The following ERC1 variants were observed in gnomAD, a reference collection of about 807,000 sequenced individuals.
ERC1 encodes ELKS/RAB6-interacting/CAST family member 1.
ERC1 carries 56 observed loss-of-function variants against 132.0 expected under a neutral mutation model. The ratio of observed to expected loss-of-function variants is 0.42; its 90% CI spans 0.34 to 0.53. ERC1 has a LOEUF of 0.53. ERC1 is among the 20% of genes least tolerant of loss of function. ERC1 has a pLI of 0.03. For missense variants in ERC1, 1,202 were observed against 1,349.9 expected, an observed-to-expected ratio of 0.89 and a Z score of 1.72; for synonymous variants, 478 against 476.1, an observed-to-expected ratio of 1.00 and a Z score of -0.05.
At chr12:1,418,231 A>G (rs1249451624) in intron 17 of ERC1, among the ~76,000 whole-genome samples, 2 of 152,198 alleles carry the variant, frequency 1.3e-5, no homozygotes, top group Non-Finnish European at 2.9e-5. Context: ...GCTACCCCAA[A>G]ATATGGCACG....
intron 16 of ERC1, among the ~76,000 whole-genome samples, chr12:1,400,953 T>TTTTTTTTTTTTTTTTG (rs1477365626): frequency 2.2e-5 from 2 of 90,342 alleles, no homozygotes; most frequent in African/African-American, 3.9e-5. Context: ...TTTTTTTTTT[T>TTTTTTTTTTTTTTTTG]GTGACGGAGT....
intron 8 of ERC1, among the ~76,000 whole-genome samples, chr12:1,175,165 G>T: frequency 6.6e-6 from 1 of 152,180 alleles, no homozygotes; most frequent in East Asian, 1.9e-4. Context: ...CCTCTGTGTT[G>T]GTGGCTGCTG....
At chr12:1,473,173 G>A (rs1468093281) in intron 18 of ERC1, among the ~76,000 whole-genome samples, 3 of 152,000 alleles carry the variant, frequency 2.0e-5, no homozygotes, top group Non-Finnish European at 4.4e-5. Context: ...TTACAGGCAC[G>A]CACCACCATG....
chr12:1,042,449 G>A (rs544776493), intron 2 of ERC1, among the ~76,000 whole-genome samples: 19 of 146,930 alleles, frequency 1.3e-4, no homozygotes, highest in African/African-American at 4.8e-4. Flanking sequence ...GGGTTCAACC[G>A]GTTCTCTTGC....
At chr12:1,223,583 T>G (rs1001346566) in intron 12 of ERC1, among the ~76,000 whole-genome samples, 8 of 152,212 alleles carry the variant, frequency 5.3e-5, no homozygotes, top group African/African-American at 1.9e-4. Flanking sequence ...AAACTTCTGG[T>G]GGCAGAGACA....
At chr12:1,418,433 G>A (rs554391882) in intron 17 of ERC1, among the ~76,000 whole-genome samples, 4 of 152,260 alleles carry the variant, frequency 2.6e-5, no homozygotes, top group African/African-American at 9.6e-5. Context: ...GGAACACAAA[G>A]AACAACAGGC....
intron 17 of ERC1, among the ~76,000 whole-genome samples, chr12:1,436,113 G>A (rs1334083037): frequency 6.6e-6 from 1 of 151,870 alleles, no homozygotes; most frequent in African/African-American, 2.4e-5. Flanking sequence ...ACTGCAAACT[G>A]CCTCTGCCTG....
rs571630126 is a variant in ERC1 at position 1,201,452 on chromosome 12, G to A, written c.2351+11400G>A. On this transcript the variant is annotated intron_variant, in intron 12 of 18. Coordinates refer to ENST00000360905, the MANE Select transcript of ERC1 (RefSeq NM_178040.4). ...GTCATATATTTCATTTTAAATGTACGTGTAGTAACCAAGTGAATGTATTTA... is the reference window on the plus strand; with the variant it reads ...GTCATATATTTCATTTTAAATGTACATGTAGTAACCAAGTGAATGTATTTA... Among the ~76,000 whole-genome samples the A allele has an allele frequency of 5.3e-5, 8 of 152,226 alleles. No homozygotes were observed. In the East Asian group the frequency reaches 5.8e-4, roughly 11 times the overall value.
chr12:1,365,723 G>A (rs1162528285), intron 15 of ERC1, among the ~76,000 whole-genome samples: 1 of 152,290 alleles, frequency 6.6e-6, no homozygotes, highest in Admixed American at 6.5e-5. Context: ...ATACTTGAAA[G>A]CTTTTAGTTT....
At chr12:1,137,388 C>T (rs1001831229) in intron 7 of ERC1, among the ~76,000 whole-genome samples, 5 of 151,710 alleles carry the variant, frequency 3.3e-5, no homozygotes, top group African/African-American at 9.7e-5. Flanking sequence ...TGAGCCACCA[C>T]GCCCGGCCAT....
At chr12:1,342,718 AAATATT>A (rs777329456) in intron 15 of ERC1, among the ~76,000 whole-genome samples, 9 of 152,314 alleles carry the variant, frequency 5.9e-5, no homozygotes, top group East Asian at 5.8e-4. Context: ...CAGAGGTATG[AAATATT>A]AATATTAATG....
At chr12:1,197,563 G>T (rs776111587) in intron 12 of ERC1, among the ~76,000 whole-genome samples, 2 of 152,136 alleles carry the variant, frequency 1.3e-5, no homozygotes, top group Non-Finnish European at 2.9e-5. Context: ...ACTGGCATGT[G>T]GGTTGTTTTG....
At chr12:1,469,165 C>A (rs2093806826) in intron 18 of ERC1, among the ~76,000 whole-genome samples, 1 of 152,234 alleles carries the variant, frequency 6.6e-6, no homozygotes, top group Admixed American at 6.5e-5. Flanking sequence ...TTAAGAGTCT[C>A]CTGCAGGGCT....
intron 16 of ERC1, chr12:1,381,274 C>G (rs1340818343): frequency 6.6e-6 from 1 of 152,198 alleles, no homozygotes; most frequent in Non-Finnish European, 1.5e-5. Flanking sequence ...CAGAATTTGA[C>G]AGAAGAATGC....
Position 1,141,662 on chromosome 12 carries a change from T to C in ERC1, c.1612T>C (p.Leu538=). Residue 538 remains leucine (L), a synonymous_variant, in exon 8 of 19, where the codon TTG becomes CTG. Coordinates refer to ENST00000360905, the MANE Select transcript of ERC1 (RefSeq NM_178040.4). ...RLRLEEKETM[L]NKKTKQIQDM... is the part of the protein sequence containing the mutation. The stretch of plus-strand genomic sequence containing the variant: ...GCGTTTGGAAGAGAAGGAAACCATG[T>C]TGAATAAAAAGACAAAACAAATTCA... 2.5e-6 allele frequency: 4 copies of C among 1,613,322 alleles called. No homozygotes were observed. Among genetic ancestry groups the C allele is most frequent in the Non-Finnish European group, 3.4e-6 (4 of 1,179,480 alleles).
At chr12:1,296,024 A>C (rs868297371) in intron 15 of ERC1, among the ~76,000 whole-genome samples, 8 of 150,374 alleles carry the variant, frequency 5.3e-5, no homozygotes, top group Non-Finnish European at 8.9e-5. Context: ...AAAAAAAAAA[A>C]AACAACTAAA....
rs1261229700 is a variant in ERC1, at chr12:1,493,949, C to T, written c.*3719C>T. The T allele has an allele frequency of 8.6e-6, 2 of 232,282 alleles. No homozygotes were observed. The highest frequency in any genetic ancestry group is 1.2e-4 in the East Asian group (2 of 16,448). 14.4% of individuals were successfully genotyped at this position (232,282 alleles called of 1,614,324 possible). A position where few individuals can be genotyped will look rare whatever the true frequency, so the allele number is the denominator to read the frequency against. On this transcript the variant is annotated 3_prime_UTR_variant, in exon 19 of 19. Transcript: ENST00000360905. ...GTGTCACCCCAAAATATAAATGTTT[C>T]TGAGCCGCCCATCCACTGGCATTTG...
At chr12:1,438,250 G>A (rs1275715991) in intron 17 of ERC1, among the ~76,000 whole-genome samples, 1 of 152,184 alleles carries the variant, frequency 6.6e-6, no homozygotes, top group Non-Finnish European at 1.5e-5. Flanking sequence ...GTTATTGAGG[G>A]TAAAGACTTT....
chr12:1,168,207 A>G (rs981163684), intron 8 of ERC1, among the ~76,000 whole-genome samples: 5 of 152,032 alleles, frequency 3.3e-5, no homozygotes, highest in African/African-American at 1.2e-4. Context: ...TGCAGCCTCA[A>G]CTTCCTGGGC....
Sources: gnomAD v4.1 joint callset for allele counts (sites outside exome capture counted in the v4.1 genomes callset) on GRCh38, gnomAD v4.1.1 for gene constraint, MANE v1.5 for transcripts, NCBI Gene and HGNC (gene_info 2026-07-23, HGNC 2026-07-21) for gene names.